Variants in ZDHHC17 observed in about 807,000 individuals in gnomAD.
ZDHHC17 encodes the protein zDHHC palmitoyltransferase 17, also known as palmitoyltransferase ZDHHC17.
In ZDHHC17, 40 loss-of-function variants were observed where a neutral mutation model predicts 90.3. The ratio of observed to expected loss-of-function variants is 0.44; its 90% CI spans 0.34 to 0.58. The LOEUF (loss-of-function observed/expected upper bound fraction) is 0.58. ZDHHC17 is among the 20% of genes least tolerant of loss of function. The pLI, the probability that ZDHHC17 is intolerant of heterozygous loss-of-function variation, is 0.01. For missense variants in ZDHHC17, 614 were observed against 780.8 expected, an observed-to-expected ratio of 0.79 and a Z score of 2.55; for synonymous variants, 235 against 252.4, an observed-to-expected ratio of 0.93 and a Z score of 0.65.
chr12:76,849,570 C>A, intron 16 of ZDHHC17, 100 bp downstream of exon 16: 1 of 684,102 alleles, frequency 1.5e-6, no homozygotes, highest in Non-Finnish European at 2.4e-6. Flanking sequence ...GCTTTTAAAC[C>A]TTTTTAAGAT....
intron 10 of ZDHHC17, among the ~76,000 whole-genome samples, chr12:76,832,242 G>C (rs1371885349): frequency 6.6e-6 from 1 of 152,172 alleles, no homozygotes; most frequent in East Asian, 1.9e-4. Flanking sequence ...AATATATGGT[G>C]CTGATTCAGG....
chr12:76,819,897 G>A (rs1953140701), intron 7 of ZDHHC17, among the ~76,000 whole-genome samples: 1 of 151,716 alleles, frequency 6.6e-6, no homozygotes, highest in East Asian at 1.9e-4. Context: ...GGAGGCTGAG[G>A]CAGGAGAATT....
At chr12:76,843,096 G>C (rs1953454367) in intron 12 of ZDHHC17, 115 bp downstream of exon 12, 2 of 722,890 alleles carry the variant, frequency 2.8e-6, no homozygotes, top group Non-Finnish European at 4.3e-6. Context: ...CACATTCCCT[G>C]CTTCTTGGTA....
intron 5 of ZDHHC17, 126 bp from the exon 6 acceptor site, chr12:76,815,019 AC>A: frequency 1.9e-6 from 1 of 522,506 alleles, no homozygotes; most frequent in Non-Finnish European, 3.3e-6. Flanking sequence ...AAAGTTTCAT[AC>A]ATTATCCTTG....
At chr12:76,782,648 G>T (rs1952640445) in intron 1 of ZDHHC17, among the ~76,000 whole-genome samples, 1 of 152,112 alleles carries the variant, frequency 6.6e-6, no homozygotes, top group Non-Finnish European at 1.5e-5. Context: ...GAATTGTGCT[G>T]GAGAATGTCT....
At position 76,852,096 on chromosome 12, in the gene ZDHHC17, A is replaced by C. The variant is rs1053606552; in HGVS notation, c.*1111A>C. 8 of 152,674 alleles carry C rather than the reference A, an allele frequency of 5.2e-5. No homozygotes were observed. In the East Asian group the frequency reaches 1.5e-3, roughly 29 times the overall value. 9.5% of individuals were successfully genotyped at this position (152,674 alleles called of 1,614,324 possible). ...TTTATCCAATATTGAGTAAGTTCTG[A>C]AACAGTTTTAGAAAAAATTTTCTTT... On this transcript the variant is annotated 3_prime_UTR_variant, in exon 17 of 17. Coordinates refer to ENST00000426126, the MANE Select transcript of ZDHHC17 (RefSeq NM_015336.4).
intron 2 of ZDHHC17, 69 bp from the exon 3 acceptor site, chr12:76,805,248 C>T: frequency 7.4e-7 from 1 of 1,357,700 alleles, no homozygotes; most frequent in Non-Finnish European, 1.0e-6. Context: ...ATTTTCATCT[C>T]AAAATGTTAT....
intron 1 of ZDHHC17, among the ~76,000 whole-genome samples, chr12:76,770,592 G>T (rs1000151270): frequency 1.3e-5 from 2 of 152,146 alleles, no homozygotes; most frequent in Admixed American, 1.3e-4. Context: ...CCTAGAGAGG[G>T]TTGTAAGGGT....
intron 16 of ZDHHC17, among the ~76,000 whole-genome samples, chr12:76,850,195 C>T (rs984137697): frequency 1.3e-5 from 2 of 152,024 alleles, no homozygotes; most frequent in East Asian, 1.9e-4. Flanking sequence ...GATTACTTAC[C>T]GACGTGAACC....
intron 1 of ZDHHC17, among the ~76,000 whole-genome samples, chr12:76,791,111 A>T (rs1349761252): frequency 6.6e-6 from 1 of 152,242 alleles, no homozygotes; most frequent in Non-Finnish European, 1.5e-5. Flanking sequence ...TAAAAATAAA[A>T]GCCGAGAAAA....
At chr12:76,805,577 C>A in intron 3 of ZDHHC17, 138 bp downstream of exon 3, 1 of 810,290 alleles carries the variant, frequency 1.2e-6, no homozygotes, top group Non-Finnish European at 1.9e-6. Flanking sequence ...CCTTGTTTTT[C>A]TGAAAAAGAA....
intron 1 of ZDHHC17, among the ~76,000 whole-genome samples, chr12:76,784,052 G>A (rs561076858): frequency 5.9e-5 from 9 of 152,328 alleles, no homozygotes; most frequent in Admixed American, 2.0e-4. Flanking sequence ...ATAAGATAAT[G>A]AATTTGTGTT....
At chr12:76,765,274 T>C (rs1565751310) in intron 1 of ZDHHC17, among the ~76,000 whole-genome samples, 1 of 152,206 alleles carries the variant, frequency 6.6e-6, no homozygotes, top group Non-Finnish European at 1.5e-5. Context: ...AATGGAGTGA[T>C]TCTGTTTTTT....
At chr12:76,808,163 G>C (rs1001844804) in intron 3 of ZDHHC17, among the ~76,000 whole-genome samples, 6 of 152,132 alleles carry the variant, frequency 3.9e-5, no homozygotes, top group Admixed American at 2.0e-4. Context: ...TACATTAAGA[G>C]TAAATGCATT....
chr12:76,846,505 G>A, intron 13 of ZDHHC17, 91 bp from the exon 14 acceptor site: 1 of 884,902 alleles, frequency 1.1e-6, no homozygotes, highest in South Asian at 1.6e-5. Context: ...CATCAAAACT[G>A]TAGCACACCT....
intron 1 of ZDHHC17, among the ~76,000 whole-genome samples, chr12:76,784,474 A>G (rs1952663542): frequency 2.0e-5 from 3 of 152,242 alleles, no homozygotes; most frequent in Non-Finnish European, 4.4e-5. Flanking sequence ...TTGTTTTAAG[A>G]AAGGATAAGA....
At chr12:76,842,819 A>C in intron 11 of ZDHHC17, 100 bp from the exon 12 acceptor site, 1 of 827,002 alleles carries the variant, frequency 1.2e-6, no homozygotes, top group East Asian at 2.9e-5. Flanking sequence ...AACATCAGTA[A>C]ATTAAAGATG....
chr12:76,824,007 T>G (rs1399550602), intron 8 of ZDHHC17, among the ~76,000 whole-genome samples: 1 of 152,172 alleles, frequency 6.6e-6, no homozygotes, highest in African/African-American at 2.4e-5. Flanking sequence ...AAAAAAAATC[T>G]TGTGTTACTT....
At chr12:76,776,295 G>C (rs1254321445) in intron 1 of ZDHHC17, among the ~76,000 whole-genome samples, 1 of 151,966 alleles carries the variant, frequency 6.6e-6, no homozygotes, top group Non-Finnish European at 1.5e-5. Flanking sequence ...AGCCTTAATG[G>C]TGACACATGA....
Sources: gnomAD v4.1 joint callset for allele counts (sites outside exome capture counted in the v4.1 genomes callset) on GRCh38, gnomAD v4.1.1 for gene constraint, MANE v1.5 for transcripts, NCBI Gene and HGNC (gene_info 2026-07-23, HGNC 2026-07-21) for gene names.